Variants in ASTN1 observed in about 807,000 individuals in gnomAD.
The protein encoded by ASTN1 is astrotactin 1.
In ASTN1, 41 loss-of-function variants were observed where a neutral mutation model predicts 140.7. That is an observed-to-expected ratio of 0.29 (90% CI 0.23 to 0.38). The LOEUF (loss-of-function observed/expected upper bound fraction) is 0.38. ASTN1 is among the 10% of genes least tolerant of loss of function. ASTN1 has a pLI of 1.00. For synonymous variants in ASTN1, 640 were observed against 652.2 expected, an observed-to-expected ratio of 0.98 and a Z score of 0.29; for missense variants, 1,479 against 1,678.8, an observed-to-expected ratio of 0.88 and a Z score of 2.08.
chr1:177,059,005 T>G (rs1677947151), intron 2 of ASTN1, among the ~76,000 whole-genome samples: 1 of 152,160 alleles, frequency 6.6e-6, no homozygotes, highest in South Asian at 2.1e-4. Flanking sequence ...CTCCCTAGAC[T>G]CCCCTTCTGA....
intron 21 of ASTN1, among the ~76,000 whole-genome samples, chr1:176,871,257 G>A (rs149814300): frequency 4.7e-4 from 72 of 152,262 alleles, no homozygotes; most frequent in African/African-American, 1.7e-3. Context: ...TAAGAGCTGT[G>A]TTGTATTCCA....
intron 19 of ASTN1, among the ~76,000 whole-genome samples, chr1:176,883,809 A>G (rs1446573728): frequency 6.6e-6 from 1 of 151,994 alleles, no homozygotes; most frequent in African/African-American, 2.4e-5. Context: ...GGCAAGGAAC[A>G]TTTTTCATGG....
Position 176,890,210 on chromosome 1 carries a change from C to T in ASTN1, c.2941-2006G>A, listed in dbSNP as rs187572287. On this transcript the variant is annotated intron_variant, in intron 17 of 22. Coordinates refer to ENST00000361833, the MANE Select transcript of ASTN1 (RefSeq NM_004319.3). Reference sequence around the variant, plus strand: ...AAATCACCACACCTGTGGTTAGAACCTCAAAGGAAAAGGTTGAGCTGCCAT... The same window carrying T: ...AAATCACCACACCTGTGGTTAGAACTTCAAAGGAAAAGGTTGAGCTGCCAT... Among the ~76,000 whole-genome samples, 616 of 152,272 alleles carry T rather than the reference C, an allele frequency of 4.0e-3. 1 individual carries two copies. The highest frequency in any genetic ancestry group is 0.01 in the Middle Eastern group (3 of 294).
At chr1:177,059,753 A>C (rs190257266) in intron 2 of ASTN1, among the ~76,000 whole-genome samples, 2 of 152,316 alleles carry the variant, frequency 1.3e-5, no homozygotes, top group East Asian at 3.9e-4. Context: ...TCTAAAATGC[A>C]CTCAGTTTCC....
chr1:177,098,765 A>G (rs1318026360), intron 1 of ASTN1, among the ~76,000 whole-genome samples: 1 of 152,208 alleles, frequency 6.6e-6, no homozygotes, highest in Admixed American at 6.5e-5. Flanking sequence ...CTGCCTCAGG[A>G]TAAGGAAATT....
chr1:176,895,860 C>A (rs552230016), intron 16 of ASTN1, among the ~76,000 whole-genome samples: 7 of 152,188 alleles, frequency 4.6e-5, no homozygotes, highest in Non-Finnish European at 8.8e-5. Flanking sequence ...TTCATCACTT[C>A]TTTTTGCACA....
At chr1:177,030,266 T>C (rs922334117) in intron 4 of ASTN1, among the ~76,000 whole-genome samples, 1 of 152,256 alleles carries the variant, frequency 6.6e-6, no homozygotes, top group Admixed American at 6.5e-5. Flanking sequence ...TTCATGTGTA[T>C]ACTCTCTGGC....
At chr1:177,158,546 T>A (rs1343348915) in intron 1 of ASTN1, among the ~76,000 whole-genome samples, 1 of 152,156 alleles carries the variant, frequency 6.6e-6, no homozygotes, top group African/African-American at 2.4e-5. Flanking sequence ...AGACTTCGTA[T>A]GTCCCTGCTG....
At chr1:177,031,054 T>C (rs1571679938) in intron 3 of ASTN1, 102 bp from the exon 4 acceptor site, 2 of 1,306,934 alleles carry the variant, frequency 1.5e-6, no homozygotes, top group East Asian at 2.5e-5. Flanking sequence ...TCTCACAGAA[T>C]TGAAATAAGA....
At chr1:176,991,149 T>C (rs1032910479) in intron 8 of ASTN1, among the ~76,000 whole-genome samples, 2 of 152,044 alleles carry the variant, frequency 1.3e-5, no homozygotes, top group Admixed American at 6.5e-5. Flanking sequence ...GGCTCATGCC[T>C]GTAATCCCAG....
chr1:176,885,960 T>C (rs896263684), intron 18 of ASTN1, among the ~76,000 whole-genome samples: 8 of 152,060 alleles, frequency 5.3e-5, no homozygotes, highest in Middle Eastern at 3.4e-3. Context: ...GCATATGACA[T>C]TGAAGATGGA....
rs1678065434 is a variant in ASTN1, at chr1:177,061,171, A to G, written c.378T>C (p.Asp126=). The change falls in exon 2 of 23, where the codon GAT becomes GAC. Residue 126 remains aspartate, a synonymous_variant. Transcript: ENST00000361833. ...GTLLFHIHHQ[D]GAPSLPGQDP... is the part of the protein sequence containing the mutation. The stretch of plus-strand genomic sequence containing the variant: ...CTTGTCCAGGAAGGCTTGGGGCACC[A>G]TCTTGGTGATGAATGTGAAAAAGCA... The G allele has an allele frequency of 6.2e-7, 1 of 1,611,668 alleles. No homozygotes were observed. The highest frequency in any genetic ancestry group is 2.2e-5 in the East Asian group (1 of 44,656).
chr1:176,871,352 T>C (rs1455198343), intron 21 of ASTN1, among the ~76,000 whole-genome samples: 1 of 152,150 alleles, frequency 6.6e-6, no homozygotes, highest in Admixed American at 6.5e-5. Flanking sequence ...GATAGGCAGA[T>C]CTGGACTTCC....
chr1:177,103,702 C>T (rs1680408630), intron 1 of ASTN1, among the ~76,000 whole-genome samples: 3 of 152,116 alleles, frequency 2.0e-5, no homozygotes, highest in Non-Finnish European at 4.4e-5. Flanking sequence ...ATAACAACCT[C>T]CTAGACCCTG....
chr1:177,012,932 A>ACCTGATTAAAATAGTGTAAAATC (rs1454830942), intron 8 of ASTN1, among the ~76,000 whole-genome samples: 4 of 152,220 alleles, frequency 2.6e-5, no homozygotes, highest in Non-Finnish European at 5.9e-5. Context: ...TTTAATCAGT[A>ACCTGATTAAAATAGTGTAAAATC]AGAACCACAG....
At chr1:177,136,488 G>C (rs1682208997) in intron 1 of ASTN1, among the ~76,000 whole-genome samples, 1 of 151,900 alleles carries the variant, frequency 6.6e-6, no homozygotes, top group African/African-American at 2.4e-5. Flanking sequence ...GAGTAGCTGG[G>C]AGTACAGGTG....
intron 1 of ASTN1, among the ~76,000 whole-genome samples, chr1:177,150,716 G>A (rs1480510257): frequency 6.6e-6 from 1 of 152,126 alleles, no homozygotes; most frequent in Non-Finnish European, 1.5e-5. Context: ...GAGTTATGAA[G>A]GCGGAGTTGC....
chr1:177,092,094 C>G (rs1364759816), intron 1 of ASTN1, among the ~76,000 whole-genome samples: 2 of 152,146 alleles, frequency 1.3e-5, no homozygotes, highest in Admixed American at 1.3e-4. Flanking sequence ...TCTGCATCAG[C>G]TGAACCACTT....
At chr1:177,034,933 T>G (rs1246080240) in intron 2 of ASTN1, among the ~76,000 whole-genome samples, 1 of 152,222 alleles carries the variant, frequency 6.6e-6, no homozygotes, top group Non-Finnish European at 1.5e-5. Context: ...TTTTTGCTCA[T>G]GTAGGGTTTT....
Sources: gnomAD v4.1 joint callset for allele counts (sites outside exome capture counted in the v4.1 genomes callset) on GRCh38, gnomAD v4.1.1 for gene constraint, MANE v1.5 for transcripts, NCBI Gene and HGNC (gene_info 2026-07-23, HGNC 2026-07-21) for gene names.